IL16: variants seen among roughly 807,000 people sequenced by gnomAD.
IL16 encodes interleukin 16.
A neutral mutation model predicts 110.1 loss-of-function variants in IL16; 67 were observed. That is an observed-to-expected ratio of 0.61 (90% CI 0.50 to 0.75). The LOEUF (loss-of-function observed/expected upper bound fraction) is 0.75, where lower values mean the gene tolerates loss of function less well. Among genes scored for constraint, IL16 ranks in the 30% least tolerant of loss-of-function variants. IL16 has a pLI of 0.00. For synonymous variants in IL16, 689 were observed against 662.9 expected (o/e 1.04, Z -0.61); for missense variants, 1,545 against 1,655.0 (o/e 0.93, Z 1.15).
intron 1 of IL16, among the ~76,000 whole-genome samples, chr15:81,219,453 A>G (rs956705313): frequency 6.7e-6 from 1 of 150,158 alleles, no homozygotes; most frequent in African/African-American, 2.4e-5. Flanking sequence ...TATTACCTCC[A>G]TATTGGAGGT....
intron 2 of IL16, among the ~76,000 whole-genome samples, chr15:81,240,729 T>C (rs1897312860): frequency 6.6e-6 from 1 of 152,086 alleles, no homozygotes; most frequent in African/African-American, 2.4e-5. Flanking sequence ...TTCCCAGCTT[T>C]CTCTATTTTC....
At chr15:81,229,179 G>T (rs4107577) in intron 2 of IL16, among the ~76,000 whole-genome samples, 5 of 152,316 alleles carry the variant, frequency 3.3e-5, no homozygotes, top group East Asian at 1.9e-4. Context: ...AGGATAATGA[G>T]GGAGACAGGG....
chr15:81,225,843 A>G (rs575117345), intron 2 of IL16, 132 bp downstream of exon 2: 24 of 839,340 alleles, frequency 2.9e-5, no homozygotes, highest in Non-Finnish European at 4.2e-5. Context: ...GCAAGAAAAA[A>G]GTTGAGGCAG....
At chr15:81,219,654 G>A (rs558856242) in intron 1 of IL16, among the ~76,000 whole-genome samples, 9 of 152,280 alleles carry the variant, frequency 5.9e-5, no homozygotes, top group African/African-American at 2.2e-4. Flanking sequence ...CTGAGGAGCA[G>A]CATTGAGAAT....
intron 2 of IL16, among the ~76,000 whole-genome samples, chr15:81,257,889 A>T (rs1276414238): frequency 6.6e-6 from 1 of 152,182 alleles, no homozygotes; most frequent in African/African-American, 2.4e-5. Context: ...AGTAACCAAT[A>T]TCCAAAGATT....
rs538328356 is a variant in IL16 at position 81,252,252 on chromosome 15, G to T, written c.313-7520G>T. Among the ~76,000 whole-genome samples the T allele has an allele frequency of 2.3e-3, 350 of 152,344 alleles. 2 individuals carry two copies. Among genetic ancestry groups the T allele is most frequent in the Admixed American group, 2.8e-3 (43 of 15,308 alleles). On this transcript the variant is annotated intron_variant, in intron 2 of 18. Coordinates refer to ENST00000683961, the MANE Select transcript of IL16 (RefSeq NM_172217.5). ...GGAGATTTGGGGCTATCTGGGTAGT[G>T]TCAGAGGAGAAGGGATGTTGAATGA...
rs755679188 is a variant in IL16 at position 81,297,067 on chromosome 15, G to A, written c.2042G>A (p.Arg681Lys). The A allele has an allele frequency of 5.6e-6, 9 of 1,611,292 alleles. No homozygotes were observed. The highest frequency in any genetic ancestry group is 1.1e-5 in the South Asian group (1 of 90,740). Residue 681 changes from arginine (R) to lysine (K), a missense_variant, in exon 13 of 19, where the codon AGA becomes AAA. Around this residue, in one of 3 missense-constraint regions of IL16, gnomAD observed 1,185 missense variants for 1,238.8 expected, o/e 0.96. Transcript: ENST00000683961. ...ACAGAGGGCGAGCCAGGGTGGAGAA[G>A]AGCCAGCCCAGGTAAGCTTTCATTG... ...SSTEGEPGWR[R>K]ASPVTQTSPI...
intron 1 of IL16, among the ~76,000 whole-genome samples, chr15:81,183,942 T>C (rs1254241503): frequency 6.6e-6 from 1 of 152,232 alleles, no homozygotes; most frequent in Non-Finnish European, 1.5e-5. Flanking sequence ...CCAAATGGCA[T>C]GTACGTATTC....
intron 12 of IL16, among the ~76,000 whole-genome samples, chr15:81,294,124 G>A (rs1489874602): frequency 6.6e-6 from 1 of 152,262 alleles, no homozygotes; most frequent in Non-Finnish European, 1.5e-5. Flanking sequence ...GGGTTGGCAA[G>A]CTTCAGGAGG....
At chr15:81,207,760 C>A (rs1305161585) in intron 1 of IL16, among the ~76,000 whole-genome samples, 2 of 151,774 alleles carry the variant, frequency 1.3e-5, no homozygotes, top group Non-Finnish European at 2.9e-5. Context: ...ATTTTCTTTA[C>A]TCCACCGTTA....
chr15:81,230,536 G>A (rs562605117), intron 2 of IL16, among the ~76,000 whole-genome samples: 26 of 152,238 alleles, frequency 1.7e-4, no homozygotes, highest in Middle Eastern at 3.4e-3. Flanking sequence ...TCTAGAGAAG[G>A]GGGCAGGTGT....
chr15:81,268,842 G>A (rs552923409), intron 4 of IL16, among the ~76,000 whole-genome samples: 22 of 152,298 alleles, frequency 1.4e-4, no homozygotes, highest in South Asian at 6.2e-4. Context: ...GGCCCCATTA[G>A]GACCATGCTT....
At chr15:81,230,308 A>G (rs375826746) in intron 2 of IL16, among the ~76,000 whole-genome samples, 1 of 152,212 alleles carries the variant, frequency 6.6e-6, no homozygotes, top group Non-Finnish European at 1.5e-5. Context: ...TGGGAAGAGT[A>G]TTTTTAAATG....
intron 8 of IL16, among the ~76,000 whole-genome samples, chr15:81,281,255 A>G (rs530853913): frequency 6.6e-6 from 1 of 152,316 alleles, no homozygotes; most frequent in South Asian, 2.1e-4. Flanking sequence ...ACATTTGCCA[A>G]AGTGCTCTGT....
intron 1 of IL16, among the ~76,000 whole-genome samples, chr15:81,221,868 C>G (rs995177560): frequency 2.0e-5 from 3 of 152,064 alleles, no homozygotes. Context: ...TCAAAGCTGC[C>G]GGTACTCATC....
intron 2 of IL16, among the ~76,000 whole-genome samples, chr15:81,252,715 T>C (rs1418673882): frequency 6.6e-6 from 1 of 152,236 alleles, no homozygotes; most frequent in Non-Finnish European, 1.5e-5. Context: ...CTGGACATAA[T>C]ATAAATAGAA....
At position 81,278,760 on chromosome 15, in the gene IL16, A is replaced by G. The variant is rs79642163; in HGVS notation, c.791-57A>G. 60 of 1,144,316 alleles carry G rather than the reference A, an allele frequency of 5.2e-5. No individual in the cohort carries two copies. In the East Asian group the frequency reaches 1.4e-3, roughly 26 times the overall value. The allele number at this position is 1,144,316 out of a possible 1,614,324, so 70.9% of individuals were successfully genotyped here. ...GGGGAGACTAGAGTTAAAGGTAATG[A>G]TAATGCCCTTTGATTGGGCAACACT... On this transcript the variant is annotated intron_variant, in intron 6 of 18. Transcript: ENST00000683961.
At chr15:81,292,227 CT>C (rs1032241773) in intron 11 of IL16, 14 of 392,820 alleles carry the variant, frequency 3.6e-5, no homozygotes, top group African/African-American at 2.9e-4. Context: ...GTGGCAGCCC[CT>C]GGAGGGACCC....
At chr15:81,236,080 C>T (rs904630967) in intron 2 of IL16, among the ~76,000 whole-genome samples, 21 of 152,168 alleles carry the variant, frequency 1.4e-4, no homozygotes, top group African/African-American at 5.1e-4. Flanking sequence ...TTTAAAAATT[C>T]AAAGTAATTG....
Sources: allele counts gnomAD v4.1 joint callset (sites outside exome capture counted in the v4.1 genomes callset), GRCh38; gene constraint gnomAD v4.1.1; regional missense constraint gnomAD v4.1.1; transcripts MANE v1.5; gene names NCBI Gene and HGNC (gene_info 2026-07-23, HGNC 2026-07-21).